Variants in RARB observed in about 807,000 individuals in gnomAD.
The protein encoded by RARB is HBV-activated protein.
RARB carries 17 observed loss-of-function variants against 51.9 expected under a neutral mutation model. The ratio of observed to expected loss-of-function variants is 0.33; its 90% CI spans 0.22 to 0.49. The LOEUF (loss-of-function observed/expected upper bound fraction) is 0.49. Among genes scored for constraint, RARB ranks in the 20% least tolerant of loss-of-function variants. The pLI is 0.99. For synonymous variants in RARB, 215 were observed against 195.4 expected, an observed-to-expected ratio of 1.10 and a Z score of -0.84; for missense variants, 369 against 550.8, an observed-to-expected ratio of 0.67 and a Z score of 3.30.
intron 3 of RARB, among the ~76,000 whole-genome samples, chr3:25,544,173 C>T (rs1177307755): frequency 1.3e-5 from 2 of 151,576 alleles, no homozygotes; most frequent in Non-Finnish European, 2.9e-5. Flanking sequence ...AAAACAAGAT[C>T]AGAAAAATTG....
chr3:25,048,131 T>C (rs1052863956), intron 2 of RARB, among the ~76,000 whole-genome samples: 6 of 152,368 alleles, frequency 3.9e-5, no homozygotes, highest in Middle Eastern at 3.4e-3. Flanking sequence ...CTCTTTTTTA[T>C]GTAAATTACC....
At chr3:25,432,166 CG>C (rs765974833) in intron 1 of RARB, among the ~76,000 whole-genome samples, 6 of 151,616 alleles carry the variant, frequency 4.0e-5, no homozygotes, top group Non-Finnish European at 7.4e-5. Context: ...GTGGGTTGTT[CG>C]AAAACAAGTG....
chr3:24,913,402 CTTTTTTTTTTTT>C (rs66779362), intron 2 of RARB, among the ~76,000 whole-genome samples: 1 of 108,412 alleles, frequency 9.2e-6, no homozygotes, highest in African/African-American at 2.9e-5. Flanking sequence ...CTCTCTCTCT[CTTTTTTTTTTTT>C]TTTTTTTGGT....
At chr3:24,985,794 T>C (rs887624180) in intron 2 of RARB, among the ~76,000 whole-genome samples, 2 of 152,234 alleles carry the variant, frequency 1.3e-5, no homozygotes, top group South Asian at 2.1e-4. Flanking sequence ...GTTAATTAGA[T>C]AGATATGTCA....
At chr3:25,382,877 A>T (rs1406078113) in intron 5 of RARB, among the ~76,000 whole-genome samples, 2 of 152,152 alleles carry the variant, frequency 1.3e-5, no homozygotes, top group African/African-American at 4.8e-5. Flanking sequence ...AACAAAAAAA[A>T]GTATCAGGAT....
At chr3:24,922,815 A>C (rs1695246625) in intron 2 of RARB, among the ~76,000 whole-genome samples, 1 of 152,182 alleles carries the variant, frequency 6.6e-6, no homozygotes, top group Non-Finnish European at 1.5e-5. Flanking sequence ...AACTCTGCCA[A>C]ACATCTCTCT....
chr3:25,015,424 A>C (rs184115638), intron 2 of RARB, among the ~76,000 whole-genome samples: 1 of 152,188 alleles, frequency 6.6e-6, no homozygotes, highest in Non-Finnish European at 1.5e-5. Flanking sequence ...TGTTAAAATA[A>C]CTGTGAAATA....
chr3:25,450,334 T>C (rs537292897), intron 1 of RARB, among the ~76,000 whole-genome samples: 55 of 152,370 alleles, frequency 3.6e-4, no homozygotes, highest in African/African-American at 1.2e-3. Context: ...TATTTTTACA[T>C]GTTTTTATAC....
intron 2 of RARB, among the ~76,000 whole-genome samples, chr3:25,019,114 T>G (rs1697574950): frequency 6.6e-6 from 1 of 152,174 alleles, no homozygotes; most frequent in Non-Finnish European, 1.5e-5. Context: ...ACCTTTTCAT[T>G]ATAGCCATAG....
chr3:25,439,118 C>T (rs1708552243), intron 1 of RARB, among the ~76,000 whole-genome samples: 1 of 152,110 alleles, frequency 6.6e-6, no homozygotes. Context: ...TAACCCTTAT[C>T]TAAAGATGGG....
In RARB at chr3:25,223,391, G is replaced by A. The variant is rs186488249; in HGVS notation, c.178+48816G>A. On this transcript the variant is annotated intron_variant, in intron 5 of 11. Transcript: ENST00000383772. ...AGGCTTAATGAATATTAAGTGTAGA[G>A]GCTAGAAGAAATATCCATATGAATT... Among the ~76,000 whole-genome samples, 733 of 152,262 alleles carry A rather than the reference G, an allele frequency of 4.8e-3. 7 individuals carry two copies. Among genetic ancestry groups the A allele is most frequent in the African/African-American group, 0.016 (669 of 41,562 alleles).
At chr3:25,494,259 A>ACGCACGCGCGCG (rs150184798) in intron 2 of RARB, among the ~76,000 whole-genome samples, 2 of 147,414 alleles carry the variant, frequency 1.4e-5, no homozygotes, top group East Asian at 2.0e-4. Context: ...TTACGCACAC[A>ACGCACGCGCGCG]CACACACACA....
chr3:25,201,115 G>A (rs1043281210), intron 5 of RARB, among the ~76,000 whole-genome samples: 6 of 151,694 alleles, frequency 4.0e-5, no homozygotes, highest in East Asian at 3.9e-4. Flanking sequence ...TTGAACAGTC[G>A]TTTGTAGTTC....
chr3:24,839,372 G>A (rs949342125), intron 1 of RARB, among the ~76,000 whole-genome samples: 4 of 151,934 alleles, frequency 2.6e-5, no homozygotes, highest in African/African-American at 9.7e-5. Flanking sequence ...AAAGGGATAA[G>A]GATAAATTGT....
chr3:25,069,768 C>G (rs998400165), intron 3 of RARB, among the ~76,000 whole-genome samples: 1 of 152,178 alleles, frequency 6.6e-6, no homozygotes, highest in South Asian at 2.1e-4. Context: ...TCGACTCTGT[C>G]TTGACCCTTC....
rs148109994 is a variant in RARB at position 25,174,798 on chromosome 3, C to T, written c.178+223C>T. The stretch of plus-strand genomic sequence containing the variant: ...CGTTCAAAGCTGCTTTGGTATTTTG[C>T]TCTGTTTCATAAAATGCAAACACAA... On this transcript the variant is annotated intron_variant, in intron 5 of 11. Coordinates refer to the RARB transcript ENST00000383772. 2.6e-5 allele frequency among the ~76,000 whole-genome samples: 4 copies of T among 152,264 alleles called. 1 individual carries two copies. The South Asian group carries it at 8.3e-4, about 32-fold the overall frequency.
intron 3 of RARB, among the ~76,000 whole-genome samples, chr3:25,514,237 G>A (rs1698047181): frequency 6.6e-6 from 1 of 152,096 alleles, no homozygotes; most frequent in Admixed American, 6.5e-5. Context: ...GTGGTATCAA[G>A]GACTTAAACT....
chr3:25,191,014 T>G (rs1292047526), intron 5 of RARB, among the ~76,000 whole-genome samples: 1 of 152,056 alleles, frequency 6.6e-6, no homozygotes. Flanking sequence ...CTCCTTAGGT[T>G]CACGTTTGTT....
At chr3:25,296,488 G>A (rs922790277) in intron 5 of RARB, among the ~76,000 whole-genome samples, 6 of 152,110 alleles carry the variant, frequency 3.9e-5, no homozygotes, top group Non-Finnish European at 7.4e-5. Context: ...CCTACCTCTT[G>A]AAGTCGACAT....
Sources: allele counts gnomAD v4.1 joint callset (sites outside exome capture counted in the v4.1 genomes callset), GRCh38; gene constraint gnomAD v4.1.1; transcripts MANE v1.5; gene names NCBI Gene and HGNC (gene_info 2026-07-23, HGNC 2026-07-21).